The following NDUFS4 variants were observed in gnomAD, a reference collection of about 807,000 sequenced individuals.
NDUFS4 encodes the protein NADH dehydrogenase [ubiquinone] iron-sulfur protein 4, mitochondrial.
In NDUFS4, 28 loss-of-function variants were observed where a neutral mutation model predicts 24.3. The observed-to-expected ratio is 1.15, with a 90% CI of 0.85 to 1.58. The LOEUF (loss-of-function observed/expected upper bound fraction) is 1.58. Ranked by LOEUF, NDUFS4 falls within the 40% of genes most tolerant of loss-of-function variation. NDUFS4 has a pLI of 0.00. For synonymous variants in NDUFS4, 93 were observed against 69.7 expected (o/e 1.34, Z -1.67); for missense variants, 223 against 207.9 (o/e 1.07, Z -0.45).
intron 3 of NDUFS4, among the ~76,000 whole-genome samples, chr5:53,656,098 A>G (rs1484453395): frequency 6.6e-6 from 1 of 151,932 alleles, no homozygotes; most frequent in Admixed American, 6.6e-5. Context: ...TGAGTTCTCG[A>G]TGCTCCTAGC....
At chr5:53,645,225 A>G (rs1320429245) in intron 2 of NDUFS4, among the ~76,000 whole-genome samples, 5 of 152,132 alleles carry the variant, frequency 3.3e-5, no homozygotes, top group African/African-American at 1.2e-4. Flanking sequence ...GGTTGACCCC[A>G]ATGTGATTTA....
At chr5:53,676,709 C>G (rs950832398) in intron 4 of NDUFS4, among the ~76,000 whole-genome samples, 14 of 152,174 alleles carry the variant, frequency 9.2e-5, no homozygotes, top group Non-Finnish European at 1.9e-4. Flanking sequence ...GAGCATTATC[C>G]TGCTTCACCT....
At chr5:53,567,752 G>T (rs955458453) in intron 1 of NDUFS4, among the ~76,000 whole-genome samples, 2 of 151,946 alleles carry the variant, frequency 1.3e-5, no homozygotes, top group East Asian at 3.9e-4. Context: ...ATTTATTATG[G>T]ATTTGAATGT....
intron 1 of NDUFS4, among the ~76,000 whole-genome samples, chr5:53,562,516 TAA>T (rs1427942486): frequency 6.6e-6 from 1 of 152,156 alleles, no homozygotes; most frequent in Non-Finnish European, 1.5e-5. Flanking sequence ...TATCCAAACT[TAA>T]GAGTTTTTGC....
intron 1 of NDUFS4, among the ~76,000 whole-genome samples, chr5:53,570,087 G>A (rs1749160351): frequency 6.6e-6 from 1 of 152,096 alleles, no homozygotes; most frequent in South Asian, 2.1e-4. Context: ...CATAATCCTA[G>A]TACAGAATAC....
Position 53,584,234 on chromosome 5 carries a change from T to C in NDUFS4, c.99-19218T>C, listed in dbSNP as rs926872910. Among the ~76,000 whole-genome samples the C allele has an allele frequency of 2.2e-4, 34 of 152,236 alleles. 1 individual carries two copies. The highest frequency in any genetic ancestry group is 2.2e-3 in the Admixed American group (33 of 15,284). On this transcript the variant is annotated intron_variant, in intron 1 of 4. Coordinates refer to ENST00000296684, the MANE Select transcript of NDUFS4 (RefSeq NM_002495.4). ...ATAAAATCTTGAAAGCAAGTTATTATTGGGTTTAGCATTGTGCGTAAGACA... is the reference window on the plus strand; with the variant it reads ...ATAAAATCTTGAAAGCAAGTTATTACTGGGTTTAGCATTGTGCGTAAGACA...
intron 4 of NDUFS4, among the ~76,000 whole-genome samples, chr5:53,671,982 G>GA (rs1350897608): frequency 1.3e-5 from 2 of 152,076 alleles, no homozygotes; most frequent in African/African-American, 4.8e-5. Flanking sequence ...GACAAGCTGT[G>GA]AAACTGCATT....
chr5:53,651,944 T>C (rs1353128573), intron 3 of NDUFS4, among the ~76,000 whole-genome samples: 1 of 151,996 alleles, frequency 6.6e-6, no homozygotes, highest in Non-Finnish European at 1.5e-5. Context: ...GCTAATTTTT[T>C]TTGTATTTTT....
chr5:53,582,075 G>T (rs1254894468), intron 1 of NDUFS4, among the ~76,000 whole-genome samples: 1 of 152,150 alleles, frequency 6.6e-6, no homozygotes, highest in Admixed American at 6.5e-5. Context: ...GCCGGGCGTG[G>T]TGTTGGGTGC....
At chr5:53,580,859 G>T (rs1157172285) in intron 1 of NDUFS4, among the ~76,000 whole-genome samples, 1 of 137,070 alleles carries the variant, frequency 7.3e-6, no homozygotes, top group African/African-American at 2.7e-5. Flanking sequence ...TTCTTTTGGA[G>T]TTTCGCTCTT....
chr5:53,583,717 TTTA>T (rs1749650253), intron 1 of NDUFS4, among the ~76,000 whole-genome samples: 2 of 152,196 alleles, frequency 1.3e-5, no homozygotes, highest in African/African-American at 2.4e-5. Flanking sequence ...ATTGTTACAT[TTTA>T]TTATTTCAAT....
chr5:53,632,211 ATTGCT>A (rs1751430206), intron 2 of NDUFS4, among the ~76,000 whole-genome samples: 1 of 152,158 alleles, frequency 6.6e-6, no homozygotes, highest in African/African-American at 2.4e-5. Context: ...TGATGTTCTG[ATTGCT>A]TTGTTACTGG....
chr5:53,601,733 G>A (rs1750331520), intron 1 of NDUFS4, among the ~76,000 whole-genome samples: 1 of 152,112 alleles, frequency 6.6e-6, no homozygotes, highest in Non-Finnish European at 1.5e-5. Flanking sequence ...ATCTCATGCC[G>A]TCCAGCTCTG....
At chr5:53,613,108 C>T (rs567738040) in intron 2 of NDUFS4, among the ~76,000 whole-genome samples, 2 of 151,956 alleles carry the variant, frequency 1.3e-5, no homozygotes, top group South Asian at 2.1e-4. Flanking sequence ...TTTTCCCCCT[C>T]TAAGGGGTCA....
chr5:53,567,070 C>G (rs747483638), intron 1 of NDUFS4, among the ~76,000 whole-genome samples: 35 of 152,158 alleles, frequency 2.3e-4, no homozygotes, highest in South Asian at 8.3e-4. Flanking sequence ...AGGCTGGTCT[C>G]AAACTCCTGA....
At chr5:53,599,434 A>G (rs1279262054) in intron 1 of NDUFS4, among the ~76,000 whole-genome samples, 1 of 152,126 alleles carries the variant, frequency 6.6e-6, no homozygotes, top group Admixed American at 6.5e-5. Context: ...CTGTTTTTAT[A>G]TACTAAAATG....
intron 1 of NDUFS4, among the ~76,000 whole-genome samples, chr5:53,562,569 GA>G (rs201625046): frequency 2.6e-5 from 4 of 151,668 alleles, no homozygotes; most frequent in African/African-American, 7.3e-5. Flanking sequence ...ATTTAATCTT[GA>G]AAAAAAATCT....
intron 2 of NDUFS4, among the ~76,000 whole-genome samples, chr5:53,634,290 A>G (rs1468653001): frequency 1.3e-5 from 2 of 152,178 alleles, no homozygotes; most frequent in East Asian, 1.9e-4. Context: ...TCAGTTTTCA[A>G]TCCATTATTT....
chr5:53,596,887 G>T (rs915957534), intron 1 of NDUFS4, among the ~76,000 whole-genome samples: 4 of 152,020 alleles, frequency 2.6e-5, no homozygotes, highest in Non-Finnish European at 5.9e-5. Flanking sequence ...CATTATTTCT[G>T]GTCCTTTGAA....
Sources: gnomAD v4.1 joint callset for allele counts (sites outside exome capture counted in the v4.1 genomes callset) on GRCh38, gnomAD v4.1.1 for gene constraint, MANE v1.5 for transcripts, NCBI Gene and HGNC (gene_info 2026-07-23, HGNC 2026-07-21) for gene names.